The following TNFAIP8 variants were observed in gnomAD, a reference collection of about 807,000 sequenced individuals.
TNFAIP8 encodes tumor necrosis factor alpha-induced protein 8.
In TNFAIP8, 7 loss-of-function variants were observed where a neutral mutation model predicts 13.3. That is an observed-to-expected ratio of 0.52 (90% CI 0.30 to 0.99). The LOEUF is 0.99. TNFAIP8 is among the 50% of genes least tolerant of loss of function. TNFAIP8 has a pLI of 0.07. For synonymous variants in TNFAIP8, 94 were observed against 87.6 expected, an observed-to-expected ratio of 1.07 and a Z score of -0.41; for missense variants, 258 against 236.9, an observed-to-expected ratio of 1.09 and a Z score of -0.58.
At chr5:119,366,700 A>T (rs1239308954) in intron 1 of TNFAIP8, among the ~76,000 whole-genome samples, 3 of 152,182 alleles carry the variant, frequency 2.0e-5, no homozygotes, top group Non-Finnish European at 2.9e-5. Flanking sequence ...GCTGTACCTA[A>T]CTTCGGGGGG....
intron 1 of TNFAIP8, among the ~76,000 whole-genome samples, chr5:119,389,633 A>T (rs1752818411): frequency 6.6e-6 from 1 of 152,160 alleles, no homozygotes; most frequent in Non-Finnish European, 1.5e-5. Flanking sequence ...GGCTTCAAAA[A>T]AACTTTCTCT....
At chr5:119,304,316 A>G (rs1749487485) in intron 1 of TNFAIP8, among the ~76,000 whole-genome samples, 1 of 152,022 alleles carries the variant, frequency 6.6e-6, no homozygotes, top group African/African-American at 2.4e-5. Context: ...TGCTTTCAGA[A>G]TCAAGTTCAA....
At chr5:119,306,249 A>T (rs1162446506) in intron 1 of TNFAIP8, 5 of 150,332 alleles carry the variant, frequency 3.3e-5, no homozygotes, top group African/African-American at 9.9e-5. Flanking sequence ...TCTTTCTTTG[A>T]TCCTTACATT....
chr5:119,288,681 T>C (rs1219096101), intron 1 of TNFAIP8, among the ~76,000 whole-genome samples: 1 of 152,156 alleles, frequency 6.6e-6, no homozygotes, highest in African/African-American at 2.4e-5. Flanking sequence ...ACTAATAGGA[T>C]GAAATAATTT....
At chr5:119,355,339 G>T, upstream of TNFAIP8, 1 of 702,300 alleles carries the variant, frequency 1.4e-6, no homozygotes, top group Non-Finnish European at 2.6e-6. Flanking sequence ...ACCAGTGCTC[G>T]CCCGGGGCTA....
intron 1 of TNFAIP8, among the ~76,000 whole-genome samples, chr5:119,388,013 T>A (rs1752745706): frequency 6.6e-6 from 1 of 152,264 alleles, no homozygotes; most frequent in African/African-American, 2.4e-5. Context: ...GAACATCTCC[T>A]GTTTACATCT....
At chr5:119,368,452 T>C (rs1408687696) in intron 1 of TNFAIP8, among the ~76,000 whole-genome samples, 1 of 146,124 alleles carries the variant, frequency 6.8e-6, no homozygotes, top group Non-Finnish European at 1.5e-5. Flanking sequence ...TGTGTGTGTG[T>C]GTGTGTGCGT....
At chr5:119,367,554 A>G (rs527619053) in intron 1 of TNFAIP8, among the ~76,000 whole-genome samples, 2 of 152,306 alleles carry the variant, frequency 1.3e-5, no homozygotes, top group African/African-American at 4.8e-5. Context: ...ACATGTTTTA[A>G]TTGTATATCT....
intron 1 of TNFAIP8, among the ~76,000 whole-genome samples, chr5:119,288,867 A>G (rs907945990): frequency 6.6e-6 from 1 of 152,244 alleles, no homozygotes; most frequent in Non-Finnish European, 1.5e-5. Context: ...ATTAAACTGC[A>G]CAGAATTATA....
intron 1 of TNFAIP8, chr5:119,306,375 A>C (rs759555977): frequency 7.4e-6 from 1 of 134,682 alleles, no homozygotes; most frequent in Non-Finnish European, 1.5e-5. Context: ...CCCAAACTGG[A>C]GAGCAGTGGC....
chr5:119,330,377 CT>C (rs1750340239), intron 1 of TNFAIP8, among the ~76,000 whole-genome samples: 1 of 152,166 alleles, frequency 6.6e-6, no homozygotes, highest in African/African-American at 2.4e-5. Flanking sequence ...TGTCATCACT[CT>C]TTTGATGATT....
intron 1 of TNFAIP8, chr5:119,333,185 A>G (rs1750438108): frequency 2.0e-6 from 2 of 988,428 alleles, no homozygotes; most frequent in Non-Finnish European, 2.4e-6. Context: ...GATTTTGAAT[A>G]TACTCCTGTT....
intron 1 of TNFAIP8, among the ~76,000 whole-genome samples, chr5:119,281,466 A>T (rs1206211479): frequency 1.3e-5 from 2 of 152,290 alleles, no homozygotes; most frequent in Non-Finnish European, 2.9e-5. Flanking sequence ...CACACTTAGA[A>T]TCCTGGTTTT....
rs763841961 is a variant in TNFAIP8, at chr5:119,376,202, C to G, written c.32-16614C>G. Reference sequence around the variant, plus strand: ...CAATCTCGGCTCACTGCAACCTCCCCGTCCCGGCTTCAAGAGATTCTCCCA... The same window carrying G: ...CAATCTCGGCTCACTGCAACCTCCCGGTCCCGGCTTCAAGAGATTCTCCCA... On this transcript the variant is annotated intron_variant, in intron 1 of 1. Coordinates refer to ENST00000504771, the MANE Select transcript of TNFAIP8 (RefSeq NM_014350.4). 2.0e-5 allele frequency among the ~76,000 whole-genome samples: 3 copies of G among 151,940 alleles called. No individual in the cohort carries two copies. The East Asian group carries it at 5.8e-4, about 29-fold the overall frequency.
chr5:119,316,790 A>C (rs1444229776), intron 1 of TNFAIP8, among the ~76,000 whole-genome samples: 1 of 152,186 alleles, frequency 6.6e-6, no homozygotes, highest in African/African-American at 2.4e-5. Flanking sequence ...ATGGCTCTCA[A>C]CTGGGGGCAG....
chr5:119,393,000 C>G lies in TNFAIP8; in HGVS notation c.216C>G (p.Ile72Met). 6.2e-7 allele frequency: 1 copy of G among 1,612,948 alleles called. No homozygotes were observed. Among genetic ancestry groups the G allele is most frequent in the Non-Finnish European group, 8.5e-7 (1 of 1,179,458 alleles). The change falls in exon 2 of 2, where the codon ATC becomes ATG. Residue 72 changes from isoleucine (I) to methionine (M), a missense_variant. Physicochemically the swap from Ile to Met is conservative, Grantham distance 10 (BLOSUM62 1). Transcript: ENST00000504771. Reference sequence around the variant, plus strand: ...ACAAGAAGGAGGCAGAGAAGATCATCAAGAACCTCATCAAGACAGTCATCA... The same window carrying G: ...ACAAGAAGGAGGCAGAGAAGATCATGAAGAACCTCATCAAGACAGTCATCA... ...TQNKKEAEKIIKNLIKTVIKL... is the reference protein window; with the variant it reads ...TQNKKEAEKIMKNLIKTVIKL...
intron 1 of TNFAIP8, among the ~76,000 whole-genome samples, chr5:119,362,791 C>CA (rs759223485): frequency 0.021 from 2,699 of 130,254 alleles, 44 homozygotes; most frequent in East Asian, 0.066. Flanking sequence ...GATTCTGTCT[C>CA]AAAAAAAAAA....
rs397963876 is a variant in TNFAIP8 at position 119,394,611 on chromosome 5, A to ATTTTTTTTTTTTTTTTT, written c.*1233_*1249dup. ...CATTTCCATTGTCACTGTGTCTATG[A>ATTTTTTTTTTTTTTTTT]TTTTTTTTTTTTTTTTTTTGAGTCT... On this transcript the variant is annotated 3_prime_UTR_variant, in exon 2 of 2. Transcript: ENST00000504771. 1.3e-4 allele frequency: 15 copies of ATTTTTTTTTTTTTTTTT among 114,690 alleles called. 1 individual carries two copies. Among genetic ancestry groups the ATTTTTTTTTTTTTTTTT allele is most frequent in the African/African-American group, 4.8e-4 (12 of 24,794 alleles). 7.1% of individuals were successfully genotyped at this position (114,690 alleles called of 1,614,324 possible). A position where few individuals can be genotyped will look rare whatever the true frequency, so the allele number is the denominator to read the frequency against.
intron 1 of TNFAIP8, among the ~76,000 whole-genome samples, chr5:119,387,483 T>C (rs114514047): frequency 0.012 from 1,826 of 152,266 alleles, 41 homozygotes; most frequent in African/African-American, 0.042. Context: ...GGGGAAAAAA[T>C]TATGTATTTA....
Sources: gnomAD v4.1 joint callset for allele counts (sites outside exome capture counted in the v4.1 genomes callset) on GRCh38, gnomAD v4.1.1 for gene constraint, MANE v1.5 for transcripts, NCBI Gene and HGNC (gene_info 2026-07-23, HGNC 2026-07-21) for gene names.